Variants in CTNNAL1 observed in about 807,000 individuals in gnomAD.
CTNNAL1 encodes the protein alpha-catulin.
In CTNNAL1, 69 loss-of-function variants were observed where a neutral mutation model predicts 93.6. That is an observed-to-expected ratio of 0.74 (90% confidence interval 0.61 to 0.90). The LOEUF (loss-of-function observed/expected upper bound fraction) is 0.90. Ranked by LOEUF, CTNNAL1 falls within the 40% of genes least tolerant of loss-of-function variation. The pLI, the probability that CTNNAL1 is intolerant of heterozygous loss-of-function variation, is 0.00. For synonymous variants in CTNNAL1, 286 were observed against 305.4 expected, an observed-to-expected ratio of 0.94 and a Z score of 0.66; for missense variants, 836 against 862.0, an observed-to-expected ratio of 0.97 and a Z score of 0.38.
At chr9:108,979,229 T>C in intron 7 of CTNNAL1, 52 bp downstream of exon 7, 1 of 1,604,664 alleles carries the variant, frequency 6.2e-7, no homozygotes, top group Non-Finnish European at 8.5e-7. Flanking sequence ...TGCAAAACTT[T>C]ATGGGAAAGC....
At chr9:108,951,210 T>C (rs2132091675) in intron 14 of CTNNAL1, among the ~76,000 whole-genome samples, 1 of 149,294 alleles carries the variant, frequency 6.7e-6, no homozygotes, top group South Asian at 2.1e-4. Context: ...AGACACCGGG[T>C]TTCAGTGTGT....
chr9:108,948,162 G>T, intron 15 of CTNNAL1, 24 bp downstream of exon 15: 1 of 1,608,642 alleles, frequency 6.2e-7, no homozygotes, highest in South Asian at 1.1e-5. Flanking sequence ...TAAAGTACTA[G>T]CATAAAACGG....
At chr9:108,984,545 AG>A in intron 4 of CTNNAL1, 109 bp from the exon 5 acceptor site, 1 of 478,324 alleles carries the variant, frequency 2.1e-6, no homozygotes, top group Non-Finnish European at 3.6e-6. Context: ...AACATTGTTA[AG>A]TGAAAAAAAA....
Position 108,942,821 on chromosome 9 carries a change from T to C in CTNNAL1, c.2153A>G (p.Asn718Ser), listed in dbSNP as rs777841484. 1.4e-5 allele frequency: 22 copies of C among 1,613,696 alleles called. No homozygotes were observed. Among genetic ancestry groups the C allele is most frequent in the Admixed American group, 1.3e-4 (8 of 59,980 alleles). The change falls in exon 19 of 19, where the codon AAT becomes AGT. Residue 718 changes from asparagine to serine, a missense_variant. Physicochemically the swap from Asn to Ser is conservative, Grantham distance 46. Coordinates refer to ENST00000325551, the MANE Select transcript of CTNNAL1 (RefSeq NM_003798.4). The stretch of plus-strand genomic sequence containing the variant: ...ATTTGTAACTGAGACCCATCCGTTA[T>C]TTTCCATCTGAAGCTGGAAAGAGTT... Reference protein sequence around the residue: ...YKLLKKLQMENNGWVSVTNKD... With the variant: ...YKLLKKLQMESNGWVSVTNKD...
chr9:108,969,744 C>T (rs766957587), intron 10 of CTNNAL1, among the ~76,000 whole-genome samples: 5 of 152,334 alleles, frequency 3.3e-5, no homozygotes, highest in Non-Finnish European at 7.4e-5. Context: ...CTTCAAACTC[C>T]TGGACTAAAG....
chr9:108,970,207 A>G (rs190510674), intron 10 of CTNNAL1, among the ~76,000 whole-genome samples, 195 bp downstream of exon 10: 11 of 152,364 alleles, frequency 7.2e-5, no homozygotes, highest in African/African-American at 2.6e-4. Context: ...CCAGTCTCCA[A>G]TTTGGCAGAT....
intron 10 of CTNNAL1, among the ~76,000 whole-genome samples, chr9:108,968,843 C>A (rs2132124854): frequency 6.6e-6 from 1 of 152,050 alleles, no homozygotes; most frequent in Middle Eastern, 3.4e-3. Flanking sequence ...CCCAATATTG[C>A]AAGTTAGGAG....
rs748301341 is a variant in CTNNAL1 at position 108,965,543 on chromosome 9, T to A, written c.1441-15A>T. ...GCAGAAATTATCTAAAGAAACACAA[T>A]ATACACCTGTGTGAATTTCAAAATC... On this transcript the variant is annotated splice_polypyrimidine_tract_variant and intron_variant, in intron 10 of 18. Transcript: ENST00000325551. 1 of 1,472,940 alleles carries A rather than the reference T, an allele frequency of 6.8e-7. No individual in the cohort carries two copies. Among genetic ancestry groups the A allele is most frequent in the South Asian group, 1.4e-5 (1 of 73,504 alleles). 91.2% of individuals were successfully genotyped at this position (1,472,940 alleles called of 1,614,324 possible). A position where few individuals can be genotyped will look rare whatever the true frequency, so the allele number is the denominator to read the frequency against.
intron 14 of CTNNAL1, among the ~76,000 whole-genome samples, chr9:108,951,770 G>A (rs1187467120): frequency 1.3e-5 from 2 of 152,092 alleles, no homozygotes; most frequent in Admixed American, 6.5e-5. Context: ...CATAATGAAT[G>A]GTGACTCACA....
Position 108,976,989 on chromosome 9 carries a change from ACTG to A in CTNNAL1, c.1158_1160del (p.Ser387del). The A allele has an allele frequency of 6.6e-7, 1 of 1,510,726 alleles. No homozygotes were observed. The highest frequency in any genetic ancestry group is 8.9e-7 in the Non-Finnish European group (1 of 1,126,998). The allele number at this position is 1,510,726 out of a possible 1,614,324, so 93.6% of individuals were successfully genotyped here. On this transcript the variant is annotated inframe_deletion, in exon 8 of 19. Coordinates refer to ENST00000325551, the MANE Select transcript of CTNNAL1 (RefSeq NM_003798.4). ...CTTTCTTAAGTTCATTAAGACTGTG[ACTG>A]ATTTTCAAAATACTGAGTTCCAGTT...
At chr9:108,965,950 T>A (rs12236720) in intron 10 of CTNNAL1, among the ~76,000 whole-genome samples, 13,728 of 152,184 alleles carry the variant, frequency 0.09, 1,858 homozygotes, top group African/African-American at 0.29. Context: ...TAATAATAAG[T>A]AACATATATA....
At chr9:108,996,276 A>G (rs1471798872) in intron 2 of CTNNAL1, among the ~76,000 whole-genome samples, 1 of 152,134 alleles carries the variant, frequency 6.6e-6, no homozygotes, top group Non-Finnish European at 1.5e-5. Context: ...CCAGTTTTTT[A>G]TCTACTACTT....
At chr9:108,971,078 A>C (rs1831102879) in intron 9 of CTNNAL1, among the ~76,000 whole-genome samples, 1 of 152,188 alleles carries the variant, frequency 6.6e-6, no homozygotes, top group South Asian at 2.1e-4. Flanking sequence ...TAAAATAAGC[A>C]GTTTCCCTAT....
Position 108,970,328 on chromosome 9 carries a change from C to T in CTNNAL1, c.1440+74G>A, listed in dbSNP as rs533043291. On this transcript the variant is annotated intron_variant, in intron 10 of 18. Transcript: ENST00000325551. ...CTCTAGTTATGAAAAACCATTTATA[C>T]CTTCCATCCACACAACTTGTTATAA... The T allele has an allele frequency of 1.3e-4, 167 of 1,328,190 alleles. 1 individual carries two copies. The South Asian group carries it at 2.1e-3, about 17-fold the overall frequency. The allele number at this position is 1,328,190 out of a possible 1,614,324, so 82.3% of individuals were successfully genotyped here.
In CTNNAL1 at chr9:108,972,714, A is replaced by G. The variant is rs1201601316; in HGVS notation, c.1308T>C (p.Tyr436=). 6.2e-7 allele frequency: 1 copy of G among 1,613,910 alleles called. No individual in the cohort carries two copies. Among genetic ancestry groups the G allele is most frequent in the African/African-American group, 1.3e-5 (1 of 74,888 alleles). ...CTTTCTGTTCAGAGAGTTTACAGGC[A>G]TATTCAGCCAAAGCTTCTAAATTTC... ...VEGNLEALAE[Y]ACKLSEQKEQ... The change falls in exon 9 of 19, where the codon TAT becomes TAC. Residue 436 remains tyrosine (Y), a synonymous_variant. Coordinates refer to ENST00000325551, the MANE Select transcript of CTNNAL1 (RefSeq NM_003798.4).
At chr9:108,947,617 T>G (rs1830444664) in intron 15 of CTNNAL1, among the ~76,000 whole-genome samples, 1 of 152,016 alleles carries the variant, frequency 6.6e-6, no homozygotes, top group Non-Finnish European at 1.5e-5. Flanking sequence ...CTAGAGGGAG[T>G]AGAATTACAG....
chr9:108,961,358 T>C (rs1026351511), intron 11 of CTNNAL1, among the ~76,000 whole-genome samples: 1 of 152,094 alleles, frequency 6.6e-6, no homozygotes, highest in Non-Finnish European at 1.5e-5. Flanking sequence ...ATGGACTTCT[T>C]TGAGGAAAAA....
intron 11 of CTNNAL1, among the ~76,000 whole-genome samples, chr9:108,965,034 A>G (rs28361155): frequency 0.054 from 8,232 of 151,852 alleles, 337 homozygotes; most frequent in South Asian, 0.13. Context: ...TAATTTTTGT[A>G]TTTTTAGTAG....
Position 108,954,764 on chromosome 9 carries a change from CTAAT to C in CTNNAL1, c.1629+1022_1629+1025del, listed in dbSNP as rs1463264851. Among the ~76,000 whole-genome samples, 14 of 152,258 alleles carry C rather than the reference CTAAT, an allele frequency of 9.2e-5. 1 individual carries two copies. Among genetic ancestry groups the C allele is most frequent in the Admixed American group, 6.5e-4 (10 of 15,298 alleles). On this transcript the variant is annotated intron_variant, in intron 12 of 18. Transcript: ENST00000325551. ...TGCCAGTCCCTTTTCAAAAAGTACA[CTAAT>C]TAAGTTTGGACCATTTTTTGATTTG...
Sources: gnomAD v4.1 joint callset for allele counts (sites outside exome capture counted in the v4.1 genomes callset) on GRCh38, gnomAD v4.1.1 for gene constraint, MANE v1.5 for transcripts, NCBI Gene and HGNC (gene_info 2026-07-23, HGNC 2026-07-21) for gene names.